The following TPPP variants were observed in gnomAD, a reference collection of about 807,000 sequenced individuals.
The protein encoded by TPPP is tubulin polymerization promoting protein.
Under a neutral mutation model 15.5 loss-of-function variants are expected in TPPP, and 6 were observed. The observed-to-expected ratio is 0.39, with a 90% CI of 0.21 to 0.77. The LOEUF (loss-of-function observed/expected upper bound fraction) is 0.77, where lower values mean the gene tolerates loss of function less well. Among genes scored for constraint, TPPP ranks in the 30% least tolerant of loss-of-function variants. The pLI is 0.42. For synonymous variants in TPPP, 146 were observed against 133.9 expected (o/e 1.09, Z -0.63); for missense variants, 269 against 307.2 (o/e 0.88, Z 0.93).
rs755620478 is a variant in TPPP at position 666,077 on chromosome 5, G to T, written c.358C>A (p.Leu120Met). 1 of 1,612,332 alleles carries T rather than the reference G, an allele frequency of 6.2e-7. No individual in the cohort carries two copies. Among genetic ancestry groups the T allele is most frequent in the Admixed American group, 1.7e-5 (1 of 59,994 alleles). ...AATCGCTTCTTGGCGAGCTCCTCCA[G>T]CGCCTCCTGGAACTGCTCAAAGGTG... ...TITFEQFQEALEELAKKRFKD... is the reference protein window; with the variant it reads ...TITFEQFQEAMEELAKKRFKD... The change falls in exon 3 of 4, where the codon CTG becomes ATG. Residue 120 changes from leucine (L) to methionine (M), a missense_variant. Physicochemically the swap from Leu to Met is conservative, Grantham distance 15 (BLOSUM62 2). Transcript: ENST00000360578.
intron 1 of TPPP, among the ~76,000 whole-genome samples, chr5:680,931 G>A (rs907573524): frequency 2.0e-4 from 31 of 152,232 alleles, no homozygotes; most frequent in African/African-American, 7.5e-4. Flanking sequence ...AGCAGGACAC[G>A]GGCCACAGAC....
At chr5:693,367 G>C (rs1418958486), upstream of TPPP, 1 of 148,104 alleles carries the variant, frequency 6.8e-6, no homozygotes, top group African/African-American at 2.5e-5. Flanking sequence ...CCGCCGCCCC[G>C]CGCCCGCCCG....
intron 2 of TPPP, 63 bp from the exon 3 acceptor site, chr5:666,186 G>C: frequency 6.4e-7 from 1 of 1,574,680 alleles, no homozygotes; most frequent in Non-Finnish European, 8.6e-7. Flanking sequence ...CTCCCCACGC[G>C]TGGGTCTGAG....
At chr5:682,599 G>A (rs2455359) in intron 1 of TPPP, among the ~76,000 whole-genome samples, 10 of 149,438 alleles carry the variant, frequency 6.7e-5, no homozygotes, top group South Asian at 2.1e-4. Context: ...CCTGGAGCCT[G>A]TTACTAGGAC....
Position 665,179 on chromosome 5 carries a change from G to C in TPPP, c.583C>G (p.Leu195Val). The change falls in exon 4 of 4, where the codon CTG (leucine) becomes GTG (valine). Residue 195 changes from leucine to valine, a missense_variant. Transcript: ENST00000360578. Reference sequence around the variant, plus strand: ...GACACATAGCCTGACTCGTCCACCAGATCCACGCGGCCAGCCTTGCCCTTG... The same window carrying C: ...GACACATAGCCTGACTCGTCCACCACATCCACGCGGCCAGCCTTGCCCTTG... ...KGKGKAGRVDLVDESGYVSGY... is the reference protein window; with the variant it reads ...KGKGKAGRVDVVDESGYVSGY... 6.2e-7 allele frequency: 1 copy of C among 1,613,756 alleles called. No homozygotes were observed. The highest frequency in any genetic ancestry group is 8.5e-7 in the Non-Finnish European group (1 of 1,179,990).
At chr5:696,884 CTGTG>C (rs1195678247), upstream of TPPP, among the ~76,000 whole-genome samples, 31 of 92,166 alleles carry the variant, frequency 3.4e-4, no homozygotes, top group East Asian at 2.7e-3. Flanking sequence ...TTGTGTGTCT[CTGTG>C]TGTATGAGTG....
chr5:677,060 C>A (rs1000304893), intron 2 of TPPP, among the ~76,000 whole-genome samples: 1 of 152,164 alleles, frequency 6.6e-6, no homozygotes, highest in Non-Finnish European at 1.5e-5. Flanking sequence ...CACGTGCACA[C>A]AGAAACGCGC....
chr5:677,191 C>T (rs1740480051), intron 2 of TPPP, among the ~76,000 whole-genome samples: 1 of 152,256 alleles, frequency 6.6e-6, no homozygotes, highest in Non-Finnish European at 1.5e-5. Context: ...GGCAGAAATA[C>T]AGCAGCACAA....
chr5:675,332 A>G (rs1740381347), intron 2 of TPPP, among the ~76,000 whole-genome samples: 2 of 36,652 alleles, frequency 5.5e-5, no homozygotes, highest in Admixed American at 4.2e-4. Context: ...CCGGGGGTGC[A>G]GTGTGGCTGG....
Position 665,180 on chromosome 5 carries a change from A to G in TPPP, c.582T>C (p.Asp194=), listed in dbSNP as rs61731455. 0.18 allele frequency: 285,578 copies of G among 1,613,554 alleles called. 27,431 individuals carry two copies. The highest frequency in any genetic ancestry group is 0.22 in the Admixed American group (12,971 of 59,992). The change falls in exon 4 of 4, where the codon GAT becomes GAC. Residue 194 remains aspartate (D), a synonymous_variant. Transcript: ENST00000360578. The part of the protein sequence containing the change: ...GKGKGKAGRV[D]LVDESGYVSG... ...ACACATAGCCTGACTCGTCCACCAG[A>G]TCCACGCGGCCAGCCTTGCCCTTGC...
At chr5:693,009 A>G (rs189193717) in intron 1 of TPPP, among the ~76,000 whole-genome samples, 2 of 151,098 alleles carry the variant, frequency 1.3e-5, no homozygotes, top group African/African-American at 2.4e-5. Flanking sequence ...ACGGTGACAG[A>G]CCTGTCCCTG....
At position 691,191 on chromosome 5, in the gene TPPP, C is replaced by A. The variant is rs2126915136; in HGVS notation, c.-5+2087G>T. 4.0e-5 allele frequency among the ~76,000 whole-genome samples: 2 copies of A among 49,476 alleles called. 1 individual carries two copies. Among genetic ancestry groups the A allele is most frequent in the East Asian group, 7.8e-4 (2 of 2,570 alleles). The allele number at this position is 49,476 out of a possible 152,430, so 32.5% of individuals were successfully genotyped here. The stretch of plus-strand genomic sequence containing the variant: ...GCCCGCCCCTCCCCCACAGGCCCTC[C>A]GAGGATCACGTGGTGGGGAGGCGCT... On this transcript the variant is annotated intron_variant, in intron 1 of 3. Transcript: ENST00000360578.
rs569972151 is a variant in TPPP at position 688,611 on chromosome 5, C to T, written c.-5+4667G>A. ...ACTGCAGGTGGACTGTGCCAGGTGC[C>T]AGGTGGGGCCCTCCCAGCAGGCGGC... On this transcript the variant is annotated intron_variant, in intron 1 of 3. Transcript: ENST00000360578. Among the ~76,000 whole-genome samples, 55 of 151,574 alleles carry T rather than the reference C, an allele frequency of 3.6e-4. No individual in the cohort carries two copies. The South Asian group carries it at 4.0e-3, about 11-fold the overall frequency.
rs187712663 is a variant in TPPP, at chr5:674,469, G to A, written c.311+3281C>T. Among the ~76,000 whole-genome samples, 37 of 152,250 alleles carry A rather than the reference G, an allele frequency of 2.4e-4. No homozygotes were observed. The East Asian group carries it at 5.8e-3, about 24-fold the overall frequency. On this transcript the variant is annotated intron_variant, in intron 2 of 3. Coordinates refer to ENST00000360578, the MANE Select transcript of TPPP (RefSeq NM_007030.3). ...GCTTCTGCGTGGGCTAAATATAGCC[G>A]ACCCAGTTTCCCTCTCCCGGTCCGA...
intron 3 of TPPP, among the ~76,000 whole-genome samples, chr5:665,667 G>A (rs1175611942): frequency 9.6e-5 from 4 of 41,732 alleles, no homozygotes; most frequent in Non-Finnish European, 1.3e-4. Flanking sequence ...AGGCCACGCC[G>A]ACCTGGCCAT....
upstream of TPPP, among the ~76,000 whole-genome samples, chr5:694,336 C>T (rs1476435812): frequency 1.3e-4 from 19 of 141,900 alleles, no homozygotes; most frequent in African/African-American, 4.2e-4. Flanking sequence ...GGCGCAGCCC[C>T]CCAGGAGGAA....
At chr5:678,977 T>G (rs973996553) in intron 1 of TPPP, among the ~76,000 whole-genome samples, 1 of 152,004 alleles carries the variant, frequency 6.6e-6, no homozygotes, top group Non-Finnish European at 1.5e-5. Flanking sequence ...ACTCAGGGCA[T>G]GAAAGCTGCT....
In TPPP at chr5:665,080, G is replaced by A. The variant is rs1313153431; in HGVS notation, c.*22C>T. The stretch of plus-strand genomic sequence containing the variant: ...TCCCTGCTCTGGGGACACCGGCAGT[G>A]CCGCGAGGCATGGAGCGGGGGCTAC... On this transcript the variant is annotated 3_prime_UTR_variant, in exon 4 of 4. Transcript: ENST00000360578. 3 of 1,601,348 alleles carry A rather than the reference G, an allele frequency of 1.9e-6. No individual in the cohort carries two copies. The highest frequency in any genetic ancestry group is 2.5e-6 in the Non-Finnish European group (3 of 1,177,480).
intron 1 of TPPP, among the ~76,000 whole-genome samples, chr5:682,337 T>TAACTACGGCCTGGGGTCTGC (rs1740647699): frequency 1.1e-4 from 3 of 26,606 alleles, no homozygotes; most frequent in African/African-American, 2.6e-4. Context: ...CCGGGGCCTG[T>TAACTACGGCCTGGGGTCTGC]CCCTTGGGCC....
Sources: gnomAD v4.1 joint callset for allele counts (sites outside exome capture counted in the v4.1 genomes callset) on GRCh38, gnomAD v4.1.1 for gene constraint, MANE v1.5 for transcripts, NCBI Gene and HGNC (gene_info 2026-07-23, HGNC 2026-07-21) for gene names.